DYNC2H1: variants seen among roughly 807,000 people sequenced by gnomAD.
DYNC2H1 encodes the protein cytoplasmic dynein 2 heavy chain 1.
A neutral mutation model predicts 570.0 loss-of-function variants in DYNC2H1; 410 were observed. That is an observed-to-expected ratio of 0.72 (90% CI 0.66 to 0.78). The LOEUF (loss-of-function observed/expected upper bound fraction) is 0.78. Among genes scored for constraint, DYNC2H1 ranks in the 30% least tolerant of loss-of-function variants. The pLI is 0.00. For synonymous variants in DYNC2H1, 1,688 were observed against 1,677.6 expected (o/e 1.01, Z -0.15); for missense variants, 4,865 against 5,046.4 (o/e 0.96, Z 1.09).
Position 103,228,547 on chromosome 11 carries a change from A to G in DYNC2H1, c.9354-2713A>G, listed in dbSNP as rs1041780106. ...GAGTCCTGTGATGTGATCTGTCTTCAGGTATCTTAGCTGTGGATACCAGCA... is the reference window on the plus strand; with the variant it reads ...GAGTCCTGTGATGTGATCTGTCTTCGGGTATCTTAGCTGTGGATACCAGCA... On this transcript the variant is annotated intron_variant, in intron 59 of 88. Transcript: ENST00000375735. The surrounding 1 kb of genome is among the most constrained non-coding windows in gnomAD (Gnocchi z 6.1). Among the ~76,000 whole-genome samples, 4 of 152,162 alleles carry G rather than the reference A, an allele frequency of 2.6e-5. No homozygotes were observed. Among genetic ancestry groups the G allele is most frequent in the Non-Finnish European group, 5.9e-5 (4 of 68,024 alleles).
chr11:103,449,677 A>T (rs1944534521), intron 85 of DYNC2H1, among the ~76,000 whole-genome samples: 2 of 142,162 alleles, frequency 1.4e-5, no homozygotes, highest in South Asian at 4.5e-4. Flanking sequence ...TTTCATTATT[A>T]TTCTTAATTA....
intron 83 of DYNC2H1, among the ~76,000 whole-genome samples, chr11:103,391,548 G>C (rs529012505): frequency 6.6e-6 from 1 of 152,212 alleles, no homozygotes; most frequent in African/African-American, 2.4e-5. Context: ...AAGGAGCTGT[G>C]TTCCTTTGGA....
rs182561798 is a variant in DYNC2H1 at position 103,126,348 on chromosome 11, C to T, written c.1857+1053C>T. Among the ~76,000 whole-genome samples, 399 of 152,302 alleles carry T rather than the reference C, an allele frequency of 2.6e-3. 1 individual carries two copies. Among genetic ancestry groups the T allele is most frequent in the Non-Finnish European group, 3.5e-3 (241 of 68,016 alleles). ...AGTATATCCAGTAGCATCTGCTTAGCACTGCCAATCAAAAATATCTCTAGA... is the reference window on the plus strand; with the variant it reads ...AGTATATCCAGTAGCATCTGCTTAGTACTGCCAATCAAAAATATCTCTAGA... On this transcript the variant is annotated intron_variant, in intron 12 of 88. Transcript: ENST00000375735.
At chr11:103,251,337 T>C (rs1453306295) in intron 65 of DYNC2H1, among the ~76,000 whole-genome samples, 5 of 152,184 alleles carry the variant, frequency 3.3e-5, no homozygotes, top group Non-Finnish European at 5.9e-5. Flanking sequence ...ACACAAACTT[T>C]TTGGACTAGT....
In DYNC2H1 at chr11:103,205,054, C is replaced by T. The variant is rs938758858; in HGVS notation, c.8454+90C>T. The T allele has an allele frequency of 1.1e-4, 133 of 1,199,572 alleles. No homozygotes were observed. The highest frequency in any genetic ancestry group is 1.3e-4 in the Non-Finnish European group (115 of 866,620). 74.3% of individuals were successfully genotyped at this position (1,199,572 alleles called of 1,614,324 possible). A position where few individuals can be genotyped will look rare whatever the true frequency, so the allele number is the denominator to read the frequency against. ...AACTTCTCTTTGGTGTTGGTTATAA[C>T]ATCACCTTAATTATGGCACCAAACA... On this transcript the variant is annotated intron_variant, in intron 52 of 88. Transcript: ENST00000375735. This position sits in a 1 kb window ranked among gnomAD's most constrained non-coding sequence, Gnocchi z 4.5.
intron 82 of DYNC2H1, among the ~76,000 whole-genome samples, chr11:103,343,748 T>C (rs1447873021): frequency 6.8e-6 from 1 of 147,082 alleles, no homozygotes; most frequent in African/African-American, 2.4e-5. Flanking sequence ...AAACTTTGTT[T>C]TCCTCAAATG....
In DYNC2H1 at chr11:103,373,028, C is replaced by T. The variant is rs541997338; in HGVS notation, c.12156+14669C>T. Among the ~76,000 whole-genome samples, 88 of 152,220 alleles carry T rather than the reference C, an allele frequency of 5.8e-4. No individual in the cohort carries two copies. The South Asian group carries it at 8.5e-3, about 15-fold the overall frequency. On this transcript the variant is annotated intron_variant, in intron 83 of 88. Transcript: ENST00000375735. ...GTGTGATCTTGACTCACTGCAGCCC[C>T]GACTTCCTGGGCTCAGGCAATCCCC...
chr11:103,475,448 G>C (rs976181708), intron 88 of DYNC2H1, among the ~76,000 whole-genome samples: 2 of 152,116 alleles, frequency 1.3e-5, no homozygotes, highest in Non-Finnish European at 2.9e-5. Context: ...CAGTTAAGGA[G>C]TATTCAAAGA....
At chr11:103,431,622 C>A (rs184382624) in intron 84 of DYNC2H1, among the ~76,000 whole-genome samples, 2 of 152,230 alleles carry the variant, frequency 1.3e-5, no homozygotes, top group Non-Finnish European at 2.9e-5. Context: ...AAAATAGGAA[C>A]CATTACAATC....
intron 6 of DYNC2H1, among the ~76,000 whole-genome samples, chr11:103,118,517 C>CT (rs562115351): frequency 2.7e-5 from 4 of 150,920 alleles, no homozygotes; most frequent in Non-Finnish European, 3.0e-5. Flanking sequence ...TTCTCTTAAC[C>CT]TTTTTTTTTA....
intron 84 of DYNC2H1, among the ~76,000 whole-genome samples, chr11:103,428,992 G>A (rs1249703734): frequency 6.6e-6 from 1 of 152,064 alleles, no homozygotes; most frequent in African/African-American, 2.4e-5. Flanking sequence ...TGGGCGCAGT[G>A]GCTCACGCCT....
intron 15 of DYNC2H1, among the ~76,000 whole-genome samples, chr11:103,135,164 A>T (rs994963959): frequency 1.3e-5 from 2 of 152,106 alleles, no homozygotes; most frequent in Non-Finnish European, 2.9e-5. Context: ...ATTTTTGAAA[A>T]AGGACCAAGA....
chr11:103,401,771 T>G (rs1942654541), intron 84 of DYNC2H1, among the ~76,000 whole-genome samples: 2 of 136,576 alleles, frequency 1.5e-5, no homozygotes, highest in South Asian at 4.7e-4. Flanking sequence ...ATGCTGTTCT[T>G]GTTATTGTTA....
chr11:103,193,069 T>C (rs567025581), intron 47 of DYNC2H1, among the ~76,000 whole-genome samples: 1 of 152,350 alleles, frequency 6.6e-6, no homozygotes, highest in South Asian at 2.1e-4. Context: ...CTGAGATCCA[T>C]GAGTACCTAT....
Position 103,340,329 on chromosome 11 carries a change from A to G in DYNC2H1, c.12039+16339A>G, listed in dbSNP as rs554175082. Among the ~76,000 whole-genome samples, 6 of 152,294 alleles carry G rather than the reference A, an allele frequency of 3.9e-5. No homozygotes were observed. The South Asian group carries it at 1.2e-3, about 32-fold the overall frequency. On this transcript the variant is annotated intron_variant, in intron 82 of 88. Transcript: ENST00000375735. ...TTCTACAGATAGGGAAGCCTGAATG[A>G]TAGATAAATATATTAATAAAAGATT...
intron 84 of DYNC2H1, among the ~76,000 whole-genome samples, chr11:103,411,136 C>A (rs1406712567): frequency 6.6e-6 from 1 of 152,036 alleles, no homozygotes; most frequent in African/African-American, 2.4e-5. Context: ...ATAAATACTT[C>A]AGCGTAAAGT....
In DYNC2H1 at chr11:103,326,710, G is replaced by T. The variant is rs937920928; in HGVS notation, c.12039+2720G>T. Among the ~76,000 whole-genome samples the T allele has an allele frequency of 4.6e-5, 7 of 152,224 alleles. No homozygotes were observed. Among genetic ancestry groups the T allele is most frequent in the Non-Finnish European group, 5.9e-5 (4 of 68,042 alleles). On this transcript the variant is annotated intron_variant, in intron 82 of 88. Coordinates refer to ENST00000375735, the MANE Select transcript of DYNC2H1 (RefSeq NM_001377.3). This position sits in a 1 kb window ranked among gnomAD's most constrained non-coding sequence, Gnocchi z 6.1. ...TGCGTTGTGCACACGATCCTGCGGG[G>T]TGGCTATGGAGGGGCTCGGCAGTGG... is the stretch of plus-strand genomic sequence containing the variant.
At chr11:103,262,075 T>C (rs764533603) in intron 70 of DYNC2H1, among the ~76,000 whole-genome samples, 5 of 152,146 alleles carry the variant, frequency 3.3e-5, no homozygotes, top group African/African-American at 9.7e-5. Flanking sequence ...AATAGCTGAA[T>C]TGATTAAGCA....
chr11:103,381,110 G>A (rs1565544429), intron 83 of DYNC2H1, among the ~76,000 whole-genome samples: 1 of 152,192 alleles, frequency 6.6e-6, no homozygotes, highest in African/African-American at 2.4e-5. Context: ...GTAAATAGTA[G>A]ATTAGATTAA....
Sources: gnomAD v4.1 joint callset for allele counts (sites outside exome capture counted in the v4.1 genomes callset) on GRCh38, gnomAD v4.1.1 for gene constraint, Gnocchi (gnomAD v3.1) non-coding constraint, MANE v1.5 for transcripts, NCBI Gene and HGNC (gene_info 2026-07-23, HGNC 2026-07-21) for gene names.